CEL: variants seen among roughly 807,000 people sequenced by gnomAD.
CEL encodes carboxyl ester lipase.
A neutral mutation model predicts 57.1 loss-of-function variants in CEL; 39 were observed. That is an observed-to-expected ratio of 0.68 (90% CI 0.53 to 0.89). CEL has a LOEUF of 0.89. Among genes scored for constraint, CEL ranks in the 40% least tolerant of loss-of-function variants. CEL has a pLI of 0.00. For missense variants in CEL, 698 were observed against 915.0 expected (o/e 0.76, Z 3.06); for synonymous variants, 314 against 396.6 (o/e 0.79, Z 2.48).
In CEL at chr9:133,064,503, G is replaced by T. The variant is rs372665952; in HGVS notation, c.166G>T (p.Ala56Ser). 5.6e-6 allele frequency: 9 copies of T among 1,614,162 alleles called. No individual in the cohort carries two copies. The highest frequency in any genetic ancestry group is 1.3e-5 in the African/African-American group (1 of 75,048). The change falls in exon 2 of 11, where the codon GCA becomes TCA. Residue 56 changes from alanine to serine, a missense_variant. Coordinates refer to ENST00000372080, the MANE Select transcript of CEL (RefSeq NM_001807.6). The part of the protein sequence containing the change: ...SVDIFKGIPF[A>S]APTKALENPQ... ...GGACATCTTCAAGGGCATCCCCTTCGCAGCTCCCACCAAGGCCCTGGAAAA... is the reference window on the plus strand; with the variant it reads ...GGACATCTTCAAGGGCATCCCCTTCTCAGCTCCCACCAAGGCCCTGGAAAA...
rs757632518 is a variant in CEL, at chr9:133,071,045, A to C, written c.1543A>C (p.Asn515His). 12 of 1,613,416 alleles carry C rather than the reference A, an allele frequency of 7.4e-6. No individual in the cohort carries two copies. The highest frequency in any genetic ancestry group is 1.0e-5 in the Non-Finnish European group (12 of 1,179,852). The change falls in exon 11 of 11, where the codon AAC becomes CAC. Residue 515 changes from asparagine to histidine, a missense_variant. Around this residue, in one of 6 missense-constraint regions of CEL, gnomAD observed 111 missense variants for 147.3 expected, o/e 0.75. Coordinates refer to ENST00000372080, the MANE Select transcript of CEL (RefSeq NM_001807.6). ...ACACTGGGAACCCTACACTACGGAAAACAGCGGCTACCTGGAGATCACCAA... is the reference window on the plus strand; with the variant it reads ...ACACTGGGAACCCTACACTACGGAACACAGCGGCTACCTGGAGATCACCAA... ...PTHWEPYTTE[N>H]SGYLEITKKM...
chr9:133,066,137 A>T lies in CEL; in HGVS notation c.539-393A>T, dbSNP rs1276704821. ...TACCTTGAGGCAGAGACAGCTGTGG[A>T]CACAGAAGTGGCAGGACACAGACAG... is the stretch of plus-strand genomic sequence containing the variant. On this transcript the variant is annotated intron_variant, in intron 4 of 10. Coordinates refer to ENST00000372080, the MANE Select transcript of CEL (RefSeq NM_001807.6). The surrounding 1 kb of genome is among the most constrained non-coding windows in gnomAD (Gnocchi z 4.3). Among the ~76,000 whole-genome samples, 3 of 152,178 alleles carry T rather than the reference A, an allele frequency of 2.0e-5. No individual in the cohort carries two copies. The highest frequency in any genetic ancestry group is 4.4e-5 in the Non-Finnish European group (3 of 68,032).
Position 133,065,048 on chromosome 9 carries a change from G to C in CEL, c.349G>C (p.Asp117His). The C allele has an allele frequency of 1.2e-6, 2 of 1,613,360 alleles. No homozygotes were observed. Among genetic ancestry groups the C allele is most frequent in the Admixed American group, 3.3e-5 (2 of 60,030 alleles). The change falls in exon 4 of 11, where the codon GAC (aspartate) becomes CAC (histidine). Residue 117 changes from aspartate (D) to histidine (H), a missense_variant. Physicochemically the swap from Asp to His is moderately conservative, Grantham distance 81. Coordinates refer to ENST00000372080, the MANE Select transcript of CEL (RefSeq NM_001807.6). ...CCGCTCCCCCATCTCAGTCTCCCGG[G>C]ACCTGCCCGTTATGATCTGGATCTA... ...VPQGRKQVSR[D>H]LPVMIWIYGG...
At position 133,065,167 on chromosome 9, in the gene CEL, C is replaced by T. The variant is rs1326237383; in HGVS notation, c.468C>T (p.Val156=). The T allele has an allele frequency of 1.2e-6, 2 of 1,613,766 alleles. No individual in the cohort carries two copies. Among genetic ancestry groups the T allele is most frequent in the Non-Finnish European group, 1.7e-6 (2 of 1,180,044 alleles). ...DGEEIATRGN[V]IVVTFNYRVG... ...AGGAGATCGCCACACGCGGAAACGT[C>T]ATCGTGGTCACCTTCAACTACCGTG... The change falls in exon 4 of 11, where the codon GTC becomes GTT. Residue 156 remains valine, a synonymous_variant. Coordinates refer to ENST00000372080, the MANE Select transcript of CEL (RefSeq NM_001807.6).
At position 133,071,218 on chromosome 9, in the gene CEL, C is replaced by G. The variant is rs200152972; in HGVS notation, c.1716C>G (p.Pro572=). 5.1e-4 allele frequency: 813 copies of G among 1,594,196 alleles called. 5 individuals are homozygous for G. The highest frequency in any genetic ancestry group is 4.8e-4 in the Non-Finnish European group (565 of 1,174,040). Residue 572 remains proline, a synonymous_variant, in exon 11 of 11, where the codon CCC becomes CCG. Coordinates refer to ENST00000372080, the MANE Select transcript of CEL (RefSeq NM_001807.6). ...GGGACTCCGAGGCCACTCCCGTGCC[C>G]CCCACGGGTGACTCCGAGACCGCCC... ...PTGDSEATPV[P]PTGDSETAPV...
chr9:133,068,490 G>C (rs1318658366), intron 7 of CEL, among the ~76,000 whole-genome samples, 182 bp from the exon 8 acceptor site: 1 of 151,460 alleles, frequency 6.6e-6, no homozygotes, highest in African/African-American at 2.4e-5. Flanking sequence ...TCGAGGCCGG[G>C]GATGCTCTAA....
intron 3 of CEL, 74 bp downstream of exon 3, chr9:133,064,836 TG>T (rs1564210623): frequency 1.2e-6 from 2 of 1,605,908 alleles, no homozygotes. Flanking sequence ...GGCTTGAGTC[TG>T]GGGGCTGCAA....
At position 133,071,543 on chromosome 9, in the gene CEL, G is replaced by A. The variant is rs766684763; in HGVS notation, c.2041G>A (p.Val681Met). ...CACGGGTGACGCCGGGCCCCCCCCC[G>A]TGCCGCCCACGGGTGACTCCGGCGC... is the stretch of plus-strand genomic sequence containing the variant. ...PPTGDAGPPP[V>M]PPTGDSGAPP... Residue 681 changes from valine (V) to methionine (M), a missense_variant, in exon 11 of 11, where the codon GTG (valine) becomes ATG (methionine). Transcript: ENST00000372080. 2.4e-5 allele frequency: 18 copies of A among 750,200 alleles called. No homozygotes were observed. Among genetic ancestry groups the A allele is most frequent in the Admixed American group, 1.3e-4 (3 of 23,722 alleles). 46.5% of individuals were successfully genotyped at this position (750,200 alleles called of 1,614,324 possible).
intron 7 of CEL, among the ~76,000 whole-genome samples, chr9:133,068,005 C>T (rs1487100344): frequency 6.6e-6 from 1 of 152,230 alleles, no homozygotes; most frequent in Non-Finnish European, 1.5e-5. Flanking sequence ...CTCACTCATT[C>T]TTCTATGGCA....
intron 7 of CEL, among the ~76,000 whole-genome samples, chr9:133,067,492 C>T (rs1307519173): frequency 6.6e-6 from 1 of 152,136 alleles, no homozygotes; most frequent in Non-Finnish European, 1.5e-5. Flanking sequence ...TCTGACTCAA[C>T]CTCCCATGTA....
rs745472616 is a variant in CEL, at chr9:133,071,304, C to T, written c.1802C>T (p.Ala601Val). The T allele has an allele frequency of 1.7e-5, 9 of 522,662 alleles. No homozygotes were observed. Among genetic ancestry groups the T allele is most frequent in the East Asian group, 9.2e-5 (3 of 32,730 alleles). 32.4% of individuals were successfully genotyped at this position (522,662 alleles called of 1,614,324 possible). A position where few individuals can be genotyped will look rare whatever the true frequency, so the allele number is the denominator to read the frequency against. Residue 601 changes from alanine (A) to valine (V), a missense_variant, in exon 11 of 11, where the codon GCC becomes GTC. Transcript: ENST00000372080. ...PPVPPTGDSG[A>V]PPVPPTGDSG... ...GTGCCGCCCACGGGTGACTCCGGGGCCCCCCCCGTGCCGCCCACGGGTGAC... is the reference window on the plus strand; with the variant it reads ...GTGCCGCCCACGGGTGACTCCGGGGTCCCCCCCGTGCCGCCCACGGGTGAC...
In CEL at chr9:133,071,563, C is replaced by T. The variant is rs751392613; in HGVS notation, c.2061C>T (p.Ser687=). 14 of 925,868 alleles carry T rather than the reference C, an allele frequency of 1.5e-5. No individual in the cohort carries two copies. The highest frequency in any genetic ancestry group is 9.3e-5 in the African/African-American group (5 of 53,492). The allele number at this position is 925,868 out of a possible 1,614,324, so 57.4% of individuals were successfully genotyped here. ...CCCCCGTGCCGCCCACGGGTGACTC[C>T]GGCGCCCCCCCCGTGCCGCCCACGG... ...GPPPVPPTGD[S]GAPPVPPTGD... Residue 687 remains serine (S), a synonymous_variant, in exon 11 of 11, where the codon TCC becomes TCT. Coordinates refer to ENST00000372080, the MANE Select transcript of CEL (RefSeq NM_001807.6).
At chr9:133,062,260 A>G (rs971556385) in intron 1 of CEL, among the ~76,000 whole-genome samples, 192 bp downstream of exon 1, 13 of 151,400 alleles carry the variant, frequency 8.6e-5, no homozygotes, top group African/African-American at 3.2e-4. Flanking sequence ...ATAAACTGCC[A>G]AGAACTGCTG....
chr9:133,066,533 ACT>A lies in CEL; in HGVS notation c.543_544del (p.Asn181LysfsTer81), dbSNP rs1830180238. The A allele has an allele frequency of 6.2e-7, 1 of 1,613,780 alleles. No homozygotes were observed. The highest frequency in any genetic ancestry group is 8.5e-7 in the Non-Finnish European group (1 of 1,179,952). ...CCCTCCCCTGCCCTGCCCCCAGGTA[ACT>A]ATGGCCTTCGGGATCAGCACATGGC... On this transcript the variant is annotated frameshift_variant, in exon 5 of 11. Coordinates refer to ENST00000372080, the MANE Select transcript of CEL (RefSeq NM_001807.6). LOFTEE classifies it high-confidence loss of function. This position sits in a 1 kb window ranked among gnomAD's most constrained non-coding sequence, Gnocchi z 4.3.
rs758151431 is a variant in CEL, at chr9:133,071,771, A to G, written c.*7A>G. Reference sequence around the variant, plus strand: ...TGCAGTCATTAGGTTTTAGCGTCCCATGAGCCTTGGTATCAAGAGGCCACA... The same window carrying G: ...TGCAGTCATTAGGTTTTAGCGTCCCGTGAGCCTTGGTATCAAGAGGCCACA... On this transcript the variant is annotated 3_prime_UTR_variant, in exon 11 of 11. Transcript: ENST00000372080. The G allele has an allele frequency of 1.2e-6, 2 of 1,611,516 alleles. No individual in the cohort carries two copies. The highest frequency in any genetic ancestry group is 2.2e-5 in the South Asian group (2 of 91,042).
At position 133,066,891 on chromosome 9, in the gene CEL, C is replaced by T. The variant is rs770547110; in HGVS notation, c.723C>T (p.Gly241=). 14 of 1,398,954 alleles carry T rather than the reference C, an allele frequency of 1.0e-5. No individual in the cohort carries two copies. The highest frequency in any genetic ancestry group is 2.0e-4 in the Middle Eastern group (1 of 4,960). 86.7% of individuals were successfully genotyped at this position (1,398,954 alleles called of 1,614,324 possible). A position where few individuals can be genotyped will look rare whatever the true frequency, so the allele number is the denominator to read the frequency against. Residue 241 remains glycine (G), a synonymous_variant, in exon 6 of 11, where the codon GGC becomes GGT. Transcript: ENST00000372080. This position sits in a 1 kb window ranked among gnomAD's most constrained non-coding sequence, Gnocchi z 4.3. ...GLIRRAISQS[G]VALSPWVIQK... is the part of the protein sequence containing the mutation. The stretch of plus-strand genomic sequence containing the variant: ...TCCGGCGAGCCATCAGCCAGAGCGG[C>T]GTGGCCCTGAGTCCCTGGGTCATCC...
chr9:133,064,611 T>A (rs1830144695), intron 2 of CEL, 29 bp from the exon 3 acceptor site: 1 of 1,613,618 alleles, frequency 6.2e-7, no homozygotes. Context: ...GGCGGCTGCC[T>A]TCCTCATGCC....
At position 133,070,564 on chromosome 9, in the gene CEL, G is replaced by C; in HGVS notation, c.1390G>C (p.Gly464Arg). Residue 464 changes from glycine to arginine, a missense_variant, in exon 10 of 11, where the codon GGG (glycine) becomes CGG (arginine). Transcript: ENST00000372080. Reference protein sequence around the residue: ...DHADDIQYVFGKPFATPTGYR... With the variant: ...DHADDIQYVFRKPFATPTGYR... ...TGCAGATGACATTCAGTACGTTTTC[G>C]GGAAGCCCTTCGCCACCCCCACGGG... is the stretch of plus-strand genomic sequence containing the variant. The C allele has an allele frequency of 1.2e-6, 2 of 1,614,068 alleles. No individual in the cohort carries two copies. The highest frequency in any genetic ancestry group is 2.2e-5 in the East Asian group (1 of 44,874).
chr9:133,066,527 C>T lies in CEL; in HGVS notation c.539-3C>T, dbSNP rs1210261758. On this transcript the variant is annotated splice_polypyrimidine_tract_variant and splice_region_variant and intron_variant, in intron 4 of 10. Coordinates refer to ENST00000372080, the MANE Select transcript of CEL (RefSeq NM_001807.6). This position sits in a 1 kb window ranked among gnomAD's most constrained non-coding sequence, Gnocchi z 4.3. ...AGCACCCCCTCCCCTGCCCTGCCCC[C>T]AGGTAACTATGGCCTTCGGGATCAG... The T allele has an allele frequency of 6.2e-7, 1 of 1,614,026 alleles. No individual in the cohort carries two copies. Among genetic ancestry groups the T allele is most frequent in the South Asian group, 1.1e-5 (1 of 91,084 alleles).
Sources: allele counts gnomAD v4.1 joint callset (sites outside exome capture counted in the v4.1 genomes callset), GRCh38; gene constraint gnomAD v4.1.1; regional missense constraint gnomAD v4.1.1; non-coding constraint Gnocchi (gnomAD v3.1); transcripts MANE v1.5; gene names NCBI Gene and HGNC (gene_info 2026-07-23, HGNC 2026-07-21).